The following C10orf67 variants were observed in gnomAD, a reference collection of about 807,000 sequenced individuals.
The protein encoded by C10orf67 is uncharacterized protein C10orf67, mitochondrial.
In C10orf67, 60 loss-of-function variants were observed where a neutral mutation model predicts 35.6. That is an observed-to-expected ratio of 1.68 (90% CI 1.37 to 2.09). The LOEUF (loss-of-function observed/expected upper bound fraction) is 2.09. Among genes scored for constraint, C10orf67 ranks in the 30% most tolerant of loss-of-function variants. The pLI is 0.00. For synonymous variants in C10orf67, 167 were observed against 115.8 expected (o/e 1.44, Z -2.84); for missense variants, 474 against 330.2 (o/e 1.44, Z -3.38).
chr10:23,223,598 CT>C lies in C10orf67; in HGVS notation c.1569del (p.Lys525SerfsTer67). ...SDQAALQLSPKGKLSESPKEE... is the reference protein window; with the variant it reads ...SDQAALQLSPXGKLSESPKEE... ...CATTTCCAACAATAATGATTCTTAC[CT>C]TTTGGTGAAAGTTGAAGGGCTGCCT... On this transcript the variant is annotated frameshift_variant and splice_region_variant, in exon 15 of 16. Transcript: ENST00000636213. LOFTEE classifies it low-confidence loss of function (END_TRUNC). 1.4e-6 allele frequency: 1 copy of C among 717,356 alleles called. No individual in the cohort carries two copies. Among genetic ancestry groups the C allele is most frequent in the Non-Finnish European group, 2.6e-6 (1 of 384,950 alleles). The allele number at this position is 717,356 out of a possible 1,614,324, so 44.4% of individuals were successfully genotyped here.
At chr10:23,289,449 C>A (rs1394284284) in intron 7 of C10orf67, among the ~76,000 whole-genome samples, 1 of 152,162 alleles carries the variant, frequency 6.6e-6, no homozygotes, top group Non-Finnish European at 1.5e-5. Flanking sequence ...CAGGTGTGAA[C>A]CACTGCGCCC....
intron 1 of C10orf67, chr10:23,343,986 GC>G: frequency 2.2e-6 from 1 of 447,620 alleles, no homozygotes; most frequent in Non-Finnish European, 4.6e-6. Flanking sequence ...CAGGCGAGTC[GC>G]CCCAGTTCGC....
chr10:23,298,608 C>T (rs561361440), intron 5 of C10orf67, among the ~76,000 whole-genome samples: 2 of 152,270 alleles, frequency 1.3e-5, no homozygotes, highest in Admixed American at 1.3e-4. Flanking sequence ...CCTGTTATGC[C>T]AAGGAACGCT....
chr10:23,251,328 A>C (rs1387200436), intron 10 of C10orf67, among the ~76,000 whole-genome samples: 2 of 152,074 alleles, frequency 1.3e-5, no homozygotes. Flanking sequence ...GTTTTCCTTC[A>C]CTTACTGTGG....
chr10:23,272,968 T>A (rs949902238), intron 8 of C10orf67, among the ~76,000 whole-genome samples: 2 of 152,258 alleles, frequency 1.3e-5, no homozygotes, highest in South Asian at 4.1e-4. Flanking sequence ...CTGGTGTTTT[T>A]CAAAATTTCA....
chr10:23,291,759 G>T (rs369464240), intron 5 of C10orf67, among the ~76,000 whole-genome samples: 5 of 152,120 alleles, frequency 3.3e-5, no homozygotes, highest in African/African-American at 9.7e-5. Context: ...GTGTCATGAG[G>T]AGCACATCAC....
At chr10:23,213,786 A>C (rs1335296889) in intron 15 of C10orf67, among the ~76,000 whole-genome samples, 1 of 152,214 alleles carries the variant, frequency 6.6e-6, no homozygotes, top group Non-Finnish European at 1.5e-5. Flanking sequence ...AGAAAGCAAG[A>C]AAGAATAGAA....
At chr10:23,340,875 C>T (rs1161171526) in intron 1 of C10orf67, among the ~76,000 whole-genome samples, 5 of 152,126 alleles carry the variant, frequency 3.3e-5, no homozygotes, top group Admixed American at 6.5e-5. Flanking sequence ...ACAAAATTAA[C>T]GTCCTAATTT....
intron 10 of C10orf67, among the ~76,000 whole-genome samples, chr10:23,254,318 C>T (rs1343934820): frequency 6.6e-6 from 1 of 152,140 alleles, no homozygotes; most frequent in Non-Finnish European, 1.5e-5. Context: ...AGCAATTCTC[C>T]TGCCTCAACT....
intron 8 of C10orf67, among the ~76,000 whole-genome samples, chr10:23,275,011 AAC>A (rs1334569306): frequency 3.9e-5 from 6 of 152,186 alleles, no homozygotes; most frequent in African/African-American, 1.4e-4. Context: ...GACTTGCTGC[AAC>A]ACACAGGTGG....
chr10:23,220,668 C>T (rs1841551740), intron 15 of C10orf67, among the ~76,000 whole-genome samples: 2 of 152,184 alleles, frequency 1.3e-5, no homozygotes, highest in Admixed American at 1.3e-4. Flanking sequence ...ATAAACCTAA[C>T]AGTTTACCAA....
chr10:23,236,253 GAAAAAAAAAA>G (rs368833212), intron 13 of C10orf67, among the ~76,000 whole-genome samples: 1,140 of 75,812 alleles, frequency 0.015, 24 homozygotes, highest in African/African-American at 0.042. Flanking sequence ...CCTCTCGGGG[GAAAAAAAAAA>G]AAAAAAAAAA....
At chr10:23,233,630 T>C (rs1841968642) in intron 13 of C10orf67, among the ~76,000 whole-genome samples, 1 of 152,146 alleles carries the variant, frequency 6.6e-6, no homozygotes, top group Admixed American at 6.5e-5. Context: ...ATAAAAAGAA[T>C]AACATAATCA....
downstream of C10orf67, chr10:23,202,536 G>A (rs1241774146): frequency 6.6e-6 from 1 of 151,354 alleles, no homozygotes; most frequent in African/African-American, 2.4e-5. Flanking sequence ...ATCACTATGG[G>A]AAAAAAATAA....
chr10:23,303,409 A>G lies in C10orf67; in HGVS notation c.597T>C (p.Thr199=). The change falls in exon 5 of 16, where the codon ACT becomes ACC. Residue 199 remains threonine (T), a synonymous_variant. Transcript: ENST00000636213. ...TTCTTAACAAAATATTTGTTTTGAC[A>G]GTACTCGCATCTTGCAAAGAAACAT... The part of the protein sequence containing the change: ...EENVSLQDAS[T]VKTNILLRKL... 1 of 634,786 alleles carries G rather than the reference A, an allele frequency of 1.6e-6. No homozygotes were observed. Among genetic ancestry groups the G allele is most frequent in the Non-Finnish European group, 2.9e-6 (1 of 350,732 alleles). 39.3% of individuals were successfully genotyped at this position (634,786 alleles called of 1,614,324 possible).
intron 15 of C10orf67, among the ~76,000 whole-genome samples, chr10:23,210,762 A>G (rs919325522): frequency 6.6e-6 from 1 of 152,156 alleles, no homozygotes; most frequent in African/African-American, 2.4e-5. Context: ...ATCACTTGCT[A>G]TCTGCTAGGA....
chr10:23,224,750 A>G (rs953069354), intron 13 of C10orf67, among the ~76,000 whole-genome samples: 4 of 152,236 alleles, frequency 2.6e-5, no homozygotes, highest in Non-Finnish European at 4.4e-5. Context: ...TTAGTAGCCG[A>G]TTCGATCAAA....
At chr10:23,342,435 C>T (rs2132425197) in intron 1 of C10orf67, among the ~76,000 whole-genome samples, 1 of 152,310 alleles carries the variant, frequency 6.6e-6, no homozygotes, top group Middle Eastern at 3.4e-3. Context: ...GAGCCTCTCT[C>T]ATTCACACCC....
At chr10:23,235,012 C>CAAAAAAAAAAAAAAAAAAAAAACAAA (rs57049730) in intron 13 of C10orf67, among the ~76,000 whole-genome samples, 6 of 76,016 alleles carry the variant, frequency 7.9e-5, no homozygotes, top group Admixed American at 1.6e-4. Flanking sequence ...AATTCCATCT[C>CAAAAAAAAAAAAAAAAAAAAAACAAA]AAAAAAAAAA....
Sources: gnomAD v4.1 joint callset for allele counts (sites outside exome capture counted in the v4.1 genomes callset) on GRCh38, gnomAD v4.1.1 for gene constraint, MANE v1.5 for transcripts, NCBI Gene and HGNC (gene_info 2026-07-23, HGNC 2026-07-21) for gene names.